Variants in CCDC141 observed in about 807,000 individuals in gnomAD.
CCDC141 encodes coiled-coil domain-containing protein 141.
In CCDC141, 168 loss-of-function variants were observed where a neutral mutation model predicts 181.0. That is an observed-to-expected ratio of 0.93 (90% CI 0.82 to 1.05). The LOEUF is 1.05. Ranked by LOEUF, CCDC141 falls within the 50% of genes least tolerant of loss-of-function variation. CCDC141 has a pLI of 0.00. For synonymous variants in CCDC141, 666 were observed against 642.3 expected (o/e 1.04, Z -0.56); for missense variants, 1,902 against 1,788.5 (o/e 1.06, Z -1.14).
At chr2:179,039,822 A>C (rs1036076905) in intron 2 of CCDC141, among the ~76,000 whole-genome samples, 1 of 152,212 alleles carries the variant, frequency 6.6e-6, no homozygotes, top group East Asian at 1.9e-4. Flanking sequence ...TCTTGACAGC[A>C]TATTAGCTAG....
chr2:178,924,334 A>T (rs1035234853), intron 6 of CCDC141, among the ~76,000 whole-genome samples: 3 of 152,202 alleles, frequency 2.0e-5, no homozygotes, highest in African/African-American at 7.2e-5. Context: ...GACATAGCCT[A>T]TTTCTTGTTT....
chr2:179,048,989 T>A (rs1207696380), intron 1 of CCDC141, among the ~76,000 whole-genome samples: 1 of 152,242 alleles, frequency 6.6e-6, no homozygotes, highest in East Asian at 1.9e-4. Flanking sequence ...AACTGGTTTG[T>A]GACCATCAGC....
chr2:179,017,527 T>C (rs1043186930), intron 2 of CCDC141, among the ~76,000 whole-genome samples: 10 of 152,138 alleles, frequency 6.6e-5, no homozygotes, highest in African/African-American at 2.2e-4. Context: ...CTCTCTCTTC[T>C]TGTTGGTGCC....
chr2:178,929,748 A>C (rs1439721934), intron 6 of CCDC141, among the ~76,000 whole-genome samples: 1 of 152,110 alleles, frequency 6.6e-6, no homozygotes, highest in South Asian at 2.1e-4. Flanking sequence ...TCTATCACTT[A>C]CACTCTCTTT....
In CCDC141 at chr2:178,947,116, A is replaced by C. The variant is rs574589582; in HGVS notation, c.781-2465T>G. ...CTCTCAGAGTCCTTCTGATGACAAA[A>C]TAAGACACCCTAAATAACCAGGAGC... On this transcript the variant is annotated intron_variant, in intron 5 of 23. Transcript: ENST00000443758. 2.4e-4 allele frequency among the ~76,000 whole-genome samples: 37 copies of C among 152,362 alleles called. 1 individual carries two copies. The South Asian group carries it at 7.7e-3, about 32-fold the overall frequency.
intron 2 of CCDC141, among the ~76,000 whole-genome samples, chr2:179,015,689 A>G (rs1039123783): frequency 7.2e-6 from 1 of 138,868 alleles, no homozygotes; most frequent in Non-Finnish European, 1.5e-5. Context: ...TATATCTCAT[A>G]CATATCTCAT....
intron 6 of CCDC141, among the ~76,000 whole-genome samples, chr2:178,937,696 C>G (rs1344367392): frequency 6.6e-6 from 1 of 151,956 alleles, no homozygotes; most frequent in African/African-American, 2.4e-5. Context: ...ATGAATCCAT[C>G]TGGTCTTAGG....
chr2:178,913,826 T>A (rs1688324810), intron 7 of CCDC141, among the ~76,000 whole-genome samples: 1 of 152,188 alleles, frequency 6.6e-6, no homozygotes, highest in South Asian at 2.1e-4. Flanking sequence ...TTGGCCTCAG[T>A]TTCCTCTGCT....
chr2:179,019,414 A>T (rs1268804050), intron 2 of CCDC141, among the ~76,000 whole-genome samples: 1 of 152,150 alleles, frequency 6.6e-6, no homozygotes, highest in Non-Finnish European at 1.5e-5. Context: ...TATCAACACC[A>T]GGGTCTCACT....
At position 179,050,047 on chromosome 2, in the gene CCDC141, C is replaced by T; in HGVS notation, c.-106G>A. ...TACTTGGATTCATTCAGGGAAAGAG[C>T]TCAGCTCACACTGATTACTCTGCCA... On this transcript the variant is annotated 5_prime_UTR_variant, in exon 1 of 24. Transcript: ENST00000443758. The T allele has an allele frequency of 3.3e-6, 5 of 1,509,158 alleles. No individual in the cohort carries two copies. The highest frequency in any genetic ancestry group is 4.5e-6 in the Non-Finnish European group (5 of 1,121,982). 93.5% of individuals were successfully genotyped at this position (1,509,158 alleles called of 1,614,324 possible). A position where few individuals can be genotyped will look rare whatever the true frequency, so the allele number is the denominator to read the frequency against.
chr2:178,860,238 A>T (rs1685544881), intron 17 of CCDC141, among the ~76,000 whole-genome samples: 1 of 152,180 alleles, frequency 6.6e-6, no homozygotes, highest in South Asian at 2.1e-4. Flanking sequence ...CAAGAGACCC[A>T]AAAGTTCAAA....
chr2:178,991,667 AAAAGT>A (rs1692060870), intron 2 of CCDC141, among the ~76,000 whole-genome samples: 1 of 152,116 alleles, frequency 6.6e-6, no homozygotes, highest in African/African-American at 2.4e-5. Context: ...CAAAATAACT[AAAAGT>A]AAAGATTTTT....
At chr2:179,036,763 T>C (rs751825306) in intron 2 of CCDC141, among the ~76,000 whole-genome samples, 28 of 152,332 alleles carry the variant, frequency 1.8e-4, no homozygotes, top group African/African-American at 6.5e-4. Context: ...AAATGCTCCA[T>C]GCAAAATAAG....
intron 6 of CCDC141, among the ~76,000 whole-genome samples, chr2:178,932,561 GA>G (rs963845487): frequency 5.9e-5 from 9 of 152,024 alleles, no homozygotes; most frequent in Non-Finnish European, 7.4e-5. Context: ...ATGTTAATTG[GA>G]AAAAAATCAT....
chr2:178,845,596 C>G, intron 22 of CCDC141, 30 bp downstream of exon 22: 1 of 1,230,404 alleles, frequency 8.1e-7, no homozygotes. Flanking sequence ...CAAAAGTCCT[C>G]AATAGCTGAG....
chr2:178,854,954 CT>C, intron 19 of CCDC141, among the ~76,000 whole-genome samples: 1 of 152,252 alleles, frequency 6.6e-6, no homozygotes, highest in South Asian at 2.1e-4. Flanking sequence ...CACAGTATCA[CT>C]TTTTAAAATA....
intron 8 of CCDC141, among the ~76,000 whole-genome samples, chr2:178,889,481 T>G (rs1329956902): frequency 2.6e-5 from 4 of 152,316 alleles, no homozygotes; most frequent in Non-Finnish European, 5.9e-5. Context: ...CTTCACATAC[T>G]GTATTAATAA....
chr2:178,951,971 C>T (rs1178577404), intron 5 of CCDC141, among the ~76,000 whole-genome samples: 3 of 152,134 alleles, frequency 2.0e-5, no homozygotes, highest in Non-Finnish European at 4.4e-5. Flanking sequence ...TTCAGTTGAA[C>T]AGTATACAGG....
chr2:179,017,626 C>CA lies in CCDC141; in HGVS notation c.225+29657dup, dbSNP rs557152330. On this transcript the variant is annotated intron_variant, in intron 2 of 23. Transcript: ENST00000443758. ...CTGTCTGAGGTGAAAAAATACACTT[C>CA]AATCTATTTGCAAAGTATAAAAAAA... Among the ~76,000 whole-genome samples the CA allele has an allele frequency of 2.5e-4, 38 of 152,246 alleles. No individual in the cohort carries two copies. The South Asian group carries it at 7.9e-3, about 32-fold the overall frequency.
Sources: allele counts gnomAD v4.1 joint callset (sites outside exome capture counted in the v4.1 genomes callset), GRCh38; gene constraint gnomAD v4.1.1; transcripts MANE v1.5; gene names NCBI Gene and HGNC (gene_info 2026-07-23, HGNC 2026-07-21).